GREB1L: variants seen among roughly 807,000 people sequenced by gnomAD.
GREB1L encodes GREB1 like retinoic acid receptor coactivator.
A neutral mutation model predicts 200.8 loss-of-function variants in GREB1L; 17 were observed. The observed-to-expected ratio is 0.08, with a 90% CI of 0.06 to 0.13. The LOEUF (loss-of-function observed/expected upper bound fraction) is 0.13, where lower values mean the gene tolerates loss of function less well. Ranked by LOEUF, GREB1L falls within the 10% of genes least tolerant of loss-of-function variation. GREB1L has a pLI of 1.00. For missense variants in GREB1L, 1,657 were observed against 2,367.7 expected (o/e 0.70, Z 6.23); for synonymous variants, 789 against 893.0 (o/e 0.88, Z 2.08).
intron 1 of GREB1L, among the ~76,000 whole-genome samples, chr18:21,348,619 AC>A (rs2039388332): frequency 6.6e-6 from 1 of 152,026 alleles, no homozygotes; most frequent in Non-Finnish European, 1.5e-5. Context: ...TACTAAAAAT[AC>A]AAAAATTAGC....
intron 25 of GREB1L, among the ~76,000 whole-genome samples, chr18:21,506,312 T>C (rs2037018610): frequency 1.3e-5 from 2 of 152,014 alleles, no homozygotes; most frequent in South Asian, 4.1e-4. Flanking sequence ...GGAGAAATGC[T>C]TGAACCTGGA....
chr18:21,428,248 A>ACTTC (rs1176533629), intron 7 of GREB1L, among the ~76,000 whole-genome samples: 3 of 145,664 alleles, frequency 2.1e-5, no homozygotes, highest in African/African-American at 7.4e-5. Context: ...ATCTTCGTCC[A>ACTTC]GATCATAGTT....
chr18:21,319,667 A>G (rs1240108688), intron 1 of GREB1L, among the ~76,000 whole-genome samples: 3 of 152,256 alleles, frequency 2.0e-5, no homozygotes, highest in Non-Finnish European at 2.9e-5. Flanking sequence ...AACCCAAACT[A>G]TAATGCATGA....
At chr18:21,471,793 G>A (rs2035495369) in intron 15 of GREB1L, among the ~76,000 whole-genome samples, 1 of 151,804 alleles carries the variant, frequency 6.6e-6, no homozygotes, top group East Asian at 1.9e-4. Context: ...GCTAATGTTT[G>A]TATTTTTTAT....
intron 11 of GREB1L, among the ~76,000 whole-genome samples, chr18:21,444,909 A>G (rs1379985584): frequency 6.6e-6 from 1 of 151,884 alleles, no homozygotes; most frequent in East Asian, 1.9e-4. Context: ...ATGGAGTCCC[A>G]TCGTGCTTTC....
Position 21,515,402 on chromosome 18 carries a change from A to G in GREB1L, c.4902-15A>G, listed in dbSNP as rs1325861446. On this transcript the variant is annotated splice_polypyrimidine_tract_variant and intron_variant, in intron 28 of 32. Coordinates refer to ENST00000424526, the MANE Select transcript of GREB1L (RefSeq NM_001142966.3). Reference sequence around the variant, plus strand: ...GTAATATTTATCAACATCTTATATAAACTATATTTCATAGCCAGCCCATGG... The same window carrying G: ...GTAATATTTATCAACATCTTATATAGACTATATTTCATAGCCAGCCCATGG... 5 of 1,503,588 alleles carry G rather than the reference A, an allele frequency of 3.3e-6. No homozygotes were observed. The highest frequency in any genetic ancestry group is 3.9e-5 in the Admixed American group (2 of 50,806). 93.1% of individuals were successfully genotyped at this position (1,503,588 alleles called of 1,614,324 possible).
At chr18:21,443,011 G>A (rs2145290156) in intron 10 of GREB1L, among the ~76,000 whole-genome samples, 1 of 152,178 alleles carries the variant, frequency 6.6e-6, no homozygotes, top group South Asian at 2.1e-4. Flanking sequence ...CTGGGTTCAA[G>A]TGATTCTTCT....
intron 2 of GREB1L, among the ~76,000 whole-genome samples, chr18:21,372,495 A>G (rs1461279744): frequency 2.0e-5 from 3 of 151,552 alleles, no homozygotes; most frequent in Non-Finnish European, 4.4e-5. Context: ...TTTTTTTTGC[A>G]ATTTTTTTTG....
rs2034081083 is a variant in GREB1L at position 21,444,228 on chromosome 18, T to C, written c.1212T>C (p.Tyr404=). The change falls in exon 11 of 33, where the codon TAT becomes TAC. Residue 404 remains tyrosine (Y), a synonymous_variant. Coordinates refer to ENST00000424526, the MANE Select transcript of GREB1L (RefSeq NM_001142966.3). ...GACCTGCTTCTATTGGGACAGGCTA[T>C]GGCACTTTACCCTATTTCTATGGAA... ...SGVRPVILIG[Y]GTLPYFYGNV... 2.6e-6 allele frequency: 4 copies of C among 1,550,148 alleles called. No individual in the cohort carries two copies. The highest frequency in any genetic ancestry group is 3.5e-6 in the Non-Finnish European group (4 of 1,145,536).
At chr18:21,471,068 C>G (rs767459216) in intron 15 of GREB1L, among the ~76,000 whole-genome samples, 2 of 152,162 alleles carry the variant, frequency 1.3e-5, no homozygotes, top group Non-Finnish European at 2.9e-5. Flanking sequence ...AAAACAACCT[C>G]TTAGATTTCT....
At chr18:21,431,881 A>G (rs1005151820) in intron 7 of GREB1L, among the ~76,000 whole-genome samples, 5 of 148,846 alleles carry the variant, frequency 3.4e-5, no homozygotes, top group Admixed American at 1.3e-4. Flanking sequence ...TTCATGTAGT[A>G]ATAATTTTTG....
chr18:21,298,313 A>C (rs901204546), intron 1 of GREB1L, among the ~76,000 whole-genome samples: 3 of 152,072 alleles, frequency 2.0e-5, no homozygotes, highest in Admixed American at 1.3e-4. Flanking sequence ...CTCACTTCCT[A>C]AAATTCTCTT....
chr18:21,290,261 G>A (rs1567923902), intron 1 of GREB1L, among the ~76,000 whole-genome samples: 2 of 152,148 alleles, frequency 1.3e-5, no homozygotes, highest in Non-Finnish European at 2.9e-5. Flanking sequence ...CATGCTAATG[G>A]TAGTACCATA....
chr18:21,258,843 T>A (rs1490540491), intron 1 of GREB1L, among the ~76,000 whole-genome samples: 1 of 152,188 alleles, frequency 6.6e-6, no homozygotes, highest in African/African-American at 2.4e-5. Flanking sequence ...GGGCTTTAAA[T>A]TTGCCAACAA....
chr18:21,492,212 G>T (rs904806836), intron 19 of GREB1L, among the ~76,000 whole-genome samples: 9 of 152,060 alleles, frequency 5.9e-5, no homozygotes, highest in Non-Finnish European at 1.3e-4. Flanking sequence ...CAGGCATGGT[G>T]GCGGGCGCCT....
At chr18:21,257,478 A>G (rs2037819450) in intron 1 of GREB1L, among the ~76,000 whole-genome samples, 1 of 152,212 alleles carries the variant, frequency 6.6e-6, no homozygotes, top group South Asian at 2.1e-4. Context: ...TAAATGGACC[A>G]TTTGCATAAT....
intron 1 of GREB1L, among the ~76,000 whole-genome samples, chr18:21,297,958 A>G (rs1315571524): frequency 5.3e-5 from 8 of 152,038 alleles, no homozygotes; most frequent in Non-Finnish European, 1.0e-4. Flanking sequence ...AAAGGAAAAC[A>G]ATGATGGCCA....
At chr18:21,326,989 A>G (rs2039033079) in intron 1 of GREB1L, among the ~76,000 whole-genome samples, 1 of 152,152 alleles carries the variant, frequency 6.6e-6, no homozygotes, top group Non-Finnish European at 1.5e-5. Context: ...CACAAAATCC[A>G]TTGAGACATT....
intron 4 of GREB1L, among the ~76,000 whole-genome samples, chr18:21,392,559 T>C (rs1315047031): frequency 6.6e-6 from 1 of 152,102 alleles, no homozygotes; most frequent in Non-Finnish European, 1.5e-5. Context: ...AAATTGACTT[T>C]TAGAGTTTAA....
Sources: allele counts gnomAD v4.1 joint callset (sites outside exome capture counted in the v4.1 genomes callset), GRCh38; gene constraint gnomAD v4.1.1; transcripts MANE v1.5; gene names NCBI Gene and HGNC (gene_info 2026-07-23, HGNC 2026-07-21).